Variants in FAM120AOS observed in about 807,000 individuals in gnomAD.
FAM120AOS encodes the protein family with sequence similarity 120 member A opposite strand, also known as uncharacterized protein FAM120AOS.
FAM120AOS carries 15 observed loss-of-function variants against 20.2 expected under a neutral mutation model. The observed-to-expected ratio is 0.74, with a 90% confidence interval of 0.50 to 1.15. The LOEUF (loss-of-function observed/expected upper bound fraction) is 1.15. Ranked by LOEUF, FAM120AOS falls within the 50% of genes most tolerant of loss-of-function variation. The pLI, the probability that FAM120AOS is intolerant of heterozygous loss-of-function variation, is 0.00. For missense variants in FAM120AOS, 327 were observed against 351.9 expected, an observed-to-expected ratio of 0.93 and a Z score of 0.57; for synonymous variants, 154 against 154.0, an observed-to-expected ratio of 1.00 and a Z score of 0.00.
In FAM120AOS at chr9:93,452,628, CACTTGAGGGCTGGGAGAGA is replaced by C. The variant is rs745836009; in HGVS notation, c.63_81del (p.Leu22SerfsTer63). ...TTCGGGGTCCGCGGCCGCGTGGGGA[CACTTGAGGGCTGGGAGAGA>C]GCCCCGGACCAGAATTCGGAGGCGA... On this transcript the variant is annotated frameshift_variant, in exon 1 of 3. Coordinates refer to ENST00000375412, the MANE Select transcript of FAM120AOS (RefSeq NM_198841.4). LOFTEE classifies it high-confidence loss of function. This position sits in a 1 kb window ranked among gnomAD's most constrained non-coding sequence, Gnocchi z 7.0. The C allele has an allele frequency of 6.3e-7, 1 of 1,599,238 alleles. No homozygotes were observed. The highest frequency in any genetic ancestry group is 2.2e-5 in the East Asian group (1 of 44,860).
chr9:93,452,551 T>C lies in FAM120AOS; in HGVS notation c.159A>G (p.Pro53=). The change falls in exon 1 of 3, where the codon CCA becomes CCG. Residue 53 remains proline, a synonymous_variant. Transcript: ENST00000375412. This position sits in a 1 kb window ranked among gnomAD's most constrained non-coding sequence, Gnocchi z 7.0. ...TGGCCGGGCCGGGCTGCAAGATGGA[T>C]GGCCGCGGGTGCAGGCCGCGCGCTG... is the stretch of plus-strand genomic sequence containing the variant. ...AWAARGLHPR[P]SILQPGPARL... The C allele has an allele frequency of 1.9e-6, 3 of 1,580,546 alleles. No homozygotes were observed. Among genetic ancestry groups the C allele is most frequent in the Non-Finnish European group, 2.6e-6 (3 of 1,169,956 alleles).
Position 93,444,425 on chromosome 9 carries a change from C to T in FAM120AOS, c.*3186G>A, listed in dbSNP as rs1480509113. Among the ~76,000 whole-genome samples, 2 of 152,150 alleles carry T rather than the reference C, an allele frequency of 1.3e-5. No individual in the cohort carries two copies. Among genetic ancestry groups the T allele is most frequent in the African/African-American group, 2.4e-5 (1 of 41,430 alleles). The stretch of plus-strand genomic sequence containing the variant: ...AAGGGATTATAGCCACACTTTCTAG[C>T]TTGCCGGGCCCCCATTTACCAGAAT... On this transcript the variant is annotated 3_prime_UTR_variant, in exon 3 of 3. Coordinates refer to ENST00000375412, the MANE Select transcript of FAM120AOS (RefSeq NM_198841.4).
At chr9:93,449,907 C>A (rs916752303) in intron 2 of FAM120AOS, among the ~76,000 whole-genome samples, 1 of 152,206 alleles carries the variant, frequency 6.6e-6, no homozygotes, top group Non-Finnish European at 1.5e-5. Flanking sequence ...CCTTGTGAAC[C>A]TGCCTTGGGT....
chr9:93,450,998 T>C (rs1171605563), intron 1 of FAM120AOS: 1 of 1,537,184 alleles, frequency 6.5e-7, no homozygotes, highest in South Asian at 1.2e-5. Flanking sequence ...GGGCTACCTG[T>C]ACCTTCAGAC....
At chr9:93,451,120 T>C in intron 1 of FAM120AOS, 5 of 1,550,600 alleles carry the variant, frequency 3.2e-6, no homozygotes, top group Non-Finnish European at 4.4e-6. Context: ...CGCTCCTTCC[T>C]GCTCTTTCCA....
chr9:93,451,261 C>A (rs1354029287), intron 1 of FAM120AOS: 73 of 1,492,200 alleles, frequency 4.9e-5, no homozygotes, highest in Admixed American at 6.6e-5. Context: ...AGTGACTCGG[C>A]CTCGGCTCCC....
chr9:93,448,114 T>C (rs114301706), intron 2 of FAM120AOS, among the ~76,000 whole-genome samples: 3,625 of 152,358 alleles, frequency 0.024, 71 homozygotes, highest in Middle Eastern at 0.031. Flanking sequence ...TGGGCAGCAT[T>C]AAGGTCTCTT....
chr9:93,452,212 G>T lies in FAM120AOS; in HGVS notation c.498C>A (p.Ser166Arg). The T allele has an allele frequency of 6.2e-7, 1 of 1,611,540 alleles. No homozygotes were observed. Among genetic ancestry groups the T allele is most frequent in the Non-Finnish European group, 8.5e-7 (1 of 1,179,614 alleles). Residue 166 changes from serine to arginine, a missense_variant, in exon 1 of 3, where the codon AGC becomes AGA. Transcript: ENST00000375412. The surrounding 1 kb of genome is among the most constrained non-coding windows in gnomAD (Gnocchi z 7.0). ...LTHSCSRAFS[S>R]APLKKTKSSM... is the part of the protein sequence containing the mutation. ...AGCTCTTCGTCTTCTTCAACGGCGC[G>T]CTCGAGAAGGCCCGGCTGCACGAGT... is the stretch of plus-strand genomic sequence containing the variant.
chr9:93,450,801 C>A (rs1314328267), intron 1 of FAM120AOS: 2 of 970,362 alleles, frequency 2.1e-6, no homozygotes, highest in East Asian at 5.2e-5. Flanking sequence ...TTTACGTAAA[C>A]GACCTCCTTC....
At chr9:93,450,409 T>A in intron 2 of FAM120AOS, 70 bp downstream of exon 2, 1 of 1,501,110 alleles carries the variant, frequency 6.7e-7, no homozygotes, top group South Asian at 1.4e-5. Context: ...AGCATTTAAT[T>A]TATGTACGTA....
In FAM120AOS at chr9:93,453,231, A is replaced by G. The variant is rs565598347; in HGVS notation, c.-522T>C. 6 of 996,578 alleles carry G rather than the reference A, an allele frequency of 6.0e-6. No individual in the cohort carries two copies. The South Asian group carries it at 1.7e-4, about 29-fold the overall frequency. 61.7% of individuals were successfully genotyped at this position (996,578 alleles called of 1,614,324 possible). A position where few individuals can be genotyped will look rare whatever the true frequency, so the allele number is the denominator to read the frequency against. On this transcript the variant is annotated 5_prime_UTR_variant, in exon 1 of 3. Transcript: ENST00000375412. Reference sequence around the variant, plus strand: ...GCACAGTAAGTATTCAGTGACCTTCAGCGGTGCCCTGACGGGTGGGTAATC... The same window carrying G: ...GCACAGTAAGTATTCAGTGACCTTCGGCGGTGCCCTGACGGGTGGGTAATC...
Position 93,447,530 on chromosome 9 carries a change from TA to T in FAM120AOS, c.*80del. 1 of 1,227,128 alleles carries T rather than the reference TA, an allele frequency of 8.1e-7. No individual in the cohort carries two copies. Among genetic ancestry groups the T allele is most frequent in the South Asian group, 1.3e-5 (1 of 79,636 alleles). 76.0% of individuals were successfully genotyped at this position (1,227,128 alleles called of 1,614,324 possible). ...GAAGCAGAAGCTGAGGAATGGTGAATAGAGCATTTTCCCTCACACGATGGGT... is the reference window on the plus strand; with the variant it reads ...GAAGCAGAAGCTGAGGAATGGTGAATGAGCATTTTCCCTCACACGATGGGT... On this transcript the variant is annotated 3_prime_UTR_variant, in exon 3 of 3. Coordinates refer to ENST00000375412, the MANE Select transcript of FAM120AOS (RefSeq NM_198841.4).
rs1374710251 is a variant in FAM120AOS at position 93,447,151 on chromosome 9, G to C, written c.*460C>G. 1 of 158,522 alleles carries C rather than the reference G, an allele frequency of 6.3e-6. No homozygotes were observed. Among genetic ancestry groups the C allele is most frequent in the Admixed American group, 6.0e-5 (1 of 16,594 alleles). 9.8% of individuals were successfully genotyped at this position (158,522 alleles called of 1,614,324 possible). A position where few individuals can be genotyped will look rare whatever the true frequency, so the allele number is the denominator to read the frequency against. On this transcript the variant is annotated 3_prime_UTR_variant, in exon 3 of 3. Transcript: ENST00000375412. ...CCATCCCCACTATAAAGGGCAATAT[G>C]ATCTGTTGCAGGAGGGTTTATAGGG...
In FAM120AOS at chr9:93,447,447, G is replaced by T; in HGVS notation, c.*164C>A. On this transcript the variant is annotated 3_prime_UTR_variant, in exon 3 of 3. Coordinates refer to ENST00000375412, the MANE Select transcript of FAM120AOS (RefSeq NM_198841.4). ...CACATTCAGATGTGTTAATAAAAGT[G>T]GATAAAGACCACTCTAGCTTTAAAA... is the stretch of plus-strand genomic sequence containing the variant. 4.7e-6 allele frequency: 3 copies of T among 639,280 alleles called. No homozygotes were observed. Among genetic ancestry groups the T allele is most frequent in the Non-Finnish European group, 8.3e-6 (3 of 360,490 alleles). 39.6% of individuals were successfully genotyped at this position (639,280 alleles called of 1,614,324 possible).
At chr9:93,451,507 C>A in intron 1 of FAM120AOS, 1 of 1,012,402 alleles carries the variant, frequency 9.9e-7, no homozygotes, top group South Asian at 4.5e-5. Flanking sequence ...GGATCCCGTC[C>A]CGGCCCAACT....
Position 93,446,246 on chromosome 9 carries a change from T to C in FAM120AOS, c.*1365A>G, listed in dbSNP as rs919381386. On this transcript the variant is annotated 3_prime_UTR_variant, in exon 3 of 3. Coordinates refer to ENST00000375412, the MANE Select transcript of FAM120AOS (RefSeq NM_198841.4). ...GTCTTAGCTGTTTCCAGAAGGGTGA[T>C]TGTGTGCTCCCACCTATATCTGAGG... Among the ~76,000 whole-genome samples the C allele has an allele frequency of 1.3e-5, 2 of 152,164 alleles. No individual in the cohort carries two copies. Among genetic ancestry groups the C allele is most frequent in the Non-Finnish European group, 2.9e-5 (2 of 68,030 alleles).
chr9:93,450,749 AC>A, intron 1 of FAM120AOS, 150 bp from the exon 2 acceptor site: 1 of 1,265,058 alleles, frequency 7.9e-7, no homozygotes, highest in Non-Finnish European at 1.1e-6. Context: ...TACAGTATCA[AC>A]CTCATTTTAG....
rs746740212 is a variant in FAM120AOS at position 93,452,125 on chromosome 9, G to A, written c.563+22C>T. 10 of 1,611,080 alleles carry A rather than the reference G, an allele frequency of 6.2e-6. No individual in the cohort carries two copies. Among genetic ancestry groups the A allele is most frequent in the Non-Finnish European group, 5.1e-6 (6 of 1,179,650 alleles). On this transcript the variant is annotated intron_variant, in intron 1 of 2. Coordinates refer to ENST00000375412, the MANE Select transcript of FAM120AOS (RefSeq NM_198841.4). This position sits in a 1 kb window ranked among gnomAD's most constrained non-coding sequence, Gnocchi z 7.0. ...ACACCGACTGGGTCAGCGGCGGCCA[G>A]TGGAACCACATGCTTGGCTACCTGG...
At chr9:93,451,412 G>A (rs952753374) in intron 1 of FAM120AOS, 1 of 1,341,824 alleles carries the variant, frequency 7.5e-7, no homozygotes, top group Non-Finnish European at 9.6e-7. Flanking sequence ...AGGGCGCAGG[G>A]GAGGGGAGCG....
Sources: gnomAD v4.1 joint callset for allele counts (sites outside exome capture counted in the v4.1 genomes callset) on GRCh38, gnomAD v4.1.1 for gene constraint, Gnocchi (gnomAD v3.1) non-coding constraint, MANE v1.5 for transcripts, NCBI Gene and HGNC (gene_info 2026-07-23, HGNC 2026-07-21) for gene names.